Variants in SH3PXD2A observed in about 807,000 individuals in gnomAD.
SH3PXD2A encodes the protein SH3 and PX domains 2A.
Under a neutral mutation model 115.2 loss-of-function variants are expected in SH3PXD2A, and 32 were observed. The ratio of observed to expected loss-of-function variants is 0.28; its 90% CI spans 0.21 to 0.37. The LOEUF is 0.37. Among genes scored for constraint, SH3PXD2A ranks in the 10% least tolerant of loss-of-function variants. The pLI, the probability that SH3PXD2A is intolerant of heterozygous loss-of-function variation, is 1.00. For synonymous variants in SH3PXD2A, 610 were observed against 629.1 expected (o/e 0.97, Z 0.45); for missense variants, 1,328 against 1,498.7 (o/e 0.89, Z 1.88).
intron 1 of SH3PXD2A, among the ~76,000 whole-genome samples, chr10:103,832,897 G>GAA (rs80183061): frequency 4.0e-5 from 6 of 150,516 alleles, no homozygotes; most frequent in African/African-American, 1.5e-4. Flanking sequence ...ATAATAAAAA[G>GAA]AAAAAAAAAT....
chr10:103,627,878 GAGA>G lies in SH3PXD2A; in HGVS notation c.605-679_605-677del, dbSNP rs1440993580. Among the ~76,000 whole-genome samples, 1 of 152,178 alleles carries G rather than the reference GAGA, an allele frequency of 6.6e-6. No individual in the cohort carries two copies. Among genetic ancestry groups the G allele is most frequent in the African/African-American group, 2.4e-5 (1 of 41,432 alleles). On this transcript the variant is annotated intron_variant, in intron 8 of 14. Coordinates refer to ENST00000369774, the MANE Select transcript of SH3PXD2A (RefSeq NM_001394015.1). The surrounding 1 kb of genome is among the most constrained non-coding windows in gnomAD (Gnocchi z 4.4). ...CCACTAACTGCCTTTGGTCCCTTCCGAGAAGGTCCTCTTCACACGGTCCTGTCT... is the reference window on the plus strand; with the variant it reads ...CCACTAACTGCCTTTGGTCCCTTCCGAGGTCCTCTTCACACGGTCCTGTCT...
chr10:103,759,146 T>C (rs947524857), intron 3 of SH3PXD2A, among the ~76,000 whole-genome samples: 1 of 152,140 alleles, frequency 6.6e-6, no homozygotes, highest in Non-Finnish European at 1.5e-5. Context: ...TGCACAGGGC[T>C]CTGGGGGCTG....
intron 1 of SH3PXD2A, among the ~76,000 whole-genome samples, chr10:103,832,641 A>G (rs1427944532): frequency 6.6e-6 from 1 of 152,190 alleles, no homozygotes; most frequent in Admixed American, 6.5e-5. Flanking sequence ...TTCTCAGCAA[A>G]CTATCGCAAG....
Position 103,746,412 on chromosome 10 carries a change from C to T in SH3PXD2A, c.230-10604G>A, listed in dbSNP as rs1278624028. Among the ~76,000 whole-genome samples the T allele has an allele frequency of 2.0e-5, 3 of 152,236 alleles. No individual in the cohort carries two copies. The highest frequency in any genetic ancestry group is 2.1e-4 in the South Asian group (1 of 4,818). ...TCGGCTCACTGCAATCTCTGCCTCC[C>T]GGGTTCAAGTGATTCTCCCACTTCA... On this transcript the variant is annotated intron_variant, in intron 3 of 14. Coordinates refer to ENST00000369774, the MANE Select transcript of SH3PXD2A (RefSeq NM_001394015.1). The surrounding 1 kb of genome is among the most constrained non-coding windows in gnomAD (Gnocchi z 4.4).
chr10:103,724,249 G>A, intron 5 of SH3PXD2A, 21 bp downstream of exon 5: 1 of 1,437,070 alleles, frequency 7.0e-7, no homozygotes, highest in Non-Finnish European at 9.5e-7. Flanking sequence ...GCACACAGGA[G>A]AGGCCTGAGC....
Position 103,665,497 on chromosome 10 carries a change from G to A in SH3PXD2A, c.472+3111C>T, listed in dbSNP as rs759027555. The stretch of plus-strand genomic sequence containing the variant: ...ACAGACAGGCTATGGCCTCTCTCAG[G>A]AGCTGCTCCAAAGGCTGTGGGATGG... On this transcript the variant is annotated intron_variant, in intron 7 of 14. Transcript: ENST00000369774. The surrounding 1 kb of genome is among the most constrained non-coding windows in gnomAD (Gnocchi z 4.0). Among the ~76,000 whole-genome samples the A allele has an allele frequency of 1.3e-5, 2 of 152,202 alleles. No homozygotes were observed. Among genetic ancestry groups the A allele is most frequent in the Non-Finnish European group, 1.5e-5 (1 of 68,044 alleles).
rs2038966806 is a variant in SH3PXD2A, at chr10:103,784,913, C to T, written c.153+16369G>A. ...CACCTGGGAGCGGCAGCCTACTAGG[C>T]GTGTCTGCTTAGACGGGTAACCAGT... On this transcript the variant is annotated intron_variant, in intron 2 of 14. Transcript: ENST00000369774. This position sits in a 1 kb window ranked among gnomAD's most constrained non-coding sequence, Gnocchi z 4.4. Among the ~76,000 whole-genome samples, 1 of 152,116 alleles carries T rather than the reference C, an allele frequency of 6.6e-6. No individual in the cohort carries two copies. Among genetic ancestry groups the T allele is most frequent in the Non-Finnish European group, 1.5e-5 (1 of 68,020 alleles).
intron 5 of SH3PXD2A, among the ~76,000 whole-genome samples, chr10:103,705,702 G>A (rs1480112487): frequency 1.3e-5 from 2 of 152,168 alleles, no homozygotes; most frequent in African/African-American, 4.8e-5. Context: ...TGGCTAAGAA[G>A]GACACATAAA....
chr10:103,700,076 T>A (rs11191772), intron 5 of SH3PXD2A, among the ~76,000 whole-genome samples: 1 of 152,020 alleles, frequency 6.6e-6, no homozygotes, highest in Admixed American at 6.5e-5. Context: ...AACAAAGCAC[T>A]GTCTGTCTGT....
At chr10:103,750,212 C>T (rs1341728752) in intron 3 of SH3PXD2A, among the ~76,000 whole-genome samples, 1 of 152,080 alleles carries the variant, frequency 6.6e-6, no homozygotes, top group East Asian at 1.9e-4. Flanking sequence ...ATGCCATGCC[C>T]AGCTAATTTT....
At chr10:103,738,153 T>A (rs1304435268) in intron 3 of SH3PXD2A, among the ~76,000 whole-genome samples, 1 of 152,248 alleles carries the variant, frequency 6.6e-6, no homozygotes, top group South Asian at 2.1e-4. Context: ...GACAACACTG[T>A]GCAGACAGAC....
chr10:103,682,537 C>T (rs2037623981), intron 6 of SH3PXD2A, among the ~76,000 whole-genome samples: 1 of 152,188 alleles, frequency 6.6e-6, no homozygotes, highest in Admixed American at 6.5e-5. Flanking sequence ...GAGGGTGGAT[C>T]ACAAGGTCAG....
intron 1 of SH3PXD2A, among the ~76,000 whole-genome samples, chr10:103,848,083 G>A (rs944259437): frequency 6.6e-6 from 1 of 152,178 alleles, no homozygotes; most frequent in Admixed American, 6.5e-5. Context: ...GAGGATGGGC[G>A]CATTCTCGCT....
At chr10:103,729,048 C>A (rs1374006564) in intron 4 of SH3PXD2A, among the ~76,000 whole-genome samples, 1 of 152,068 alleles carries the variant, frequency 6.6e-6, no homozygotes, top group South Asian at 2.1e-4. Context: ...GCACGTGCCA[C>A]CACAGCAGGC....
intron 1 of SH3PXD2A, among the ~76,000 whole-genome samples, chr10:103,851,971 G>A (rs541805414): frequency 3.8e-4 from 58 of 152,280 alleles, no homozygotes; most frequent in South Asian, 1.9e-3. Context: ...CAAAGAACCC[G>A]GTGGACCTGA....
chr10:103,764,824 G>A (rs2038736854), intron 3 of SH3PXD2A, among the ~76,000 whole-genome samples: 1 of 152,148 alleles, frequency 6.6e-6, no homozygotes. Context: ...GTGCTTCCTG[G>A]CTGTGTAGCC....
intron 6 of SH3PXD2A, among the ~76,000 whole-genome samples, chr10:103,679,686 G>A (rs1475862177): frequency 6.6e-6 from 1 of 152,246 alleles, no homozygotes; most frequent in Non-Finnish European, 1.5e-5. Context: ...TCTGAAATGA[G>A]GGATGTTAAA....
At position 103,601,358 on chromosome 10, in the gene SH3PXD2A, A is replaced by T. The variant is rs1001055088; in HGVS notation, c.*458T>A. The T allele has an allele frequency of 6.2e-6, 1 of 160,794 alleles. No individual in the cohort carries two copies. The highest frequency in any genetic ancestry group is 2.4e-5 in the African/African-American group (1 of 41,590). 10.0% of individuals were successfully genotyped at this position (160,794 alleles called of 1,614,324 possible). ...GCACAATTCACAAATACAGCTTAGGACAATACCAGGGATACCTGGGGTGGC... is the reference window on the plus strand; with the variant it reads ...GCACAATTCACAAATACAGCTTAGGTCAATACCAGGGATACCTGGGGTGGC... On this transcript the variant is annotated 3_prime_UTR_variant, in exon 15 of 15. Coordinates refer to ENST00000369774, the MANE Select transcript of SH3PXD2A (RefSeq NM_001394015.1).
chr10:103,854,793 G>C (rs1465452046), intron 1 of SH3PXD2A, among the ~76,000 whole-genome samples: 1 of 152,124 alleles, frequency 6.6e-6, no homozygotes, highest in Non-Finnish European at 1.5e-5. Context: ...TCCAGGGCGA[G>C]CTCTGAAAGC....
Sources: allele counts gnomAD v4.1 joint callset (sites outside exome capture counted in the v4.1 genomes callset), GRCh38; gene constraint gnomAD v4.1.1; non-coding constraint Gnocchi (gnomAD v3.1); transcripts MANE v1.5; gene names NCBI Gene and HGNC (gene_info 2026-07-23, HGNC 2026-07-21).